Variants in VPS13B observed in about 807,000 individuals in gnomAD.
VPS13B encodes vacuolar protein sorting 13 homolog B.
Under a neutral mutation model 426.4 loss-of-function variants are expected in VPS13B, and 285 were observed. The ratio of observed to expected loss-of-function variants is 0.67; its 90% CI spans 0.61 to 0.74. The LOEUF is 0.74. VPS13B is among the 30% of genes least tolerant of loss of function. The probability of loss-of-function intolerance (pLI) is 0.00; values close to 1 mark genes in which losing one functional copy is unlikely to be tolerated. For synonymous variants in VPS13B, 1,676 were observed against 1,676.4 expected, an observed-to-expected ratio of 1.00 and a Z score of 0.01; for missense variants, 4,537 against 4,782.6, an observed-to-expected ratio of 0.95 and a Z score of 1.51.
intron 44 of VPS13B, among the ~76,000 whole-genome samples, chr8:99,814,622 TACCCTGATCGA>T (rs1359875784): frequency 6.6e-6 from 1 of 152,192 alleles, no homozygotes; most frequent in African/African-American, 2.4e-5. Flanking sequence ...GTTCCATGTT[TACCCTGATCGA>T]TGGCAAAAGG....
At chr8:99,513,051 G>T (rs944616753) in intron 29 of VPS13B, among the ~76,000 whole-genome samples, 3 of 149,850 alleles carry the variant, frequency 2.0e-5, no homozygotes, top group African/African-American at 7.4e-5. Context: ...TGCAGTATCT[G>T]TAACTATTTT....
intron 14 of VPS13B, among the ~76,000 whole-genome samples, chr8:99,151,082 CAT>C (rs1811052935): frequency 1.3e-5 from 2 of 151,676 alleles, no homozygotes; most frequent in South Asian, 4.2e-4. Flanking sequence ...CATTCTAAGA[CAT>C]GTGTAATGGT....
At chr8:99,691,914 T>A (rs1202225659) in intron 35 of VPS13B, among the ~76,000 whole-genome samples, 2 of 150,026 alleles carry the variant, frequency 1.3e-5, no homozygotes, top group Admixed American at 1.3e-4. Context: ...TAAAACAGAC[T>A]TTAAACCAAC....
chr8:99,641,209 A>G (rs1829343310), intron 33 of VPS13B, among the ~76,000 whole-genome samples: 1 of 152,150 alleles, frequency 6.6e-6, no homozygotes. Context: ...TATCACTTAT[A>G]TTTGTCCTTG....
At chr8:99,192,330 A>G (rs1813648047) in intron 16 of VPS13B, among the ~76,000 whole-genome samples, 1 of 152,210 alleles carries the variant, frequency 6.6e-6, no homozygotes, top group Non-Finnish European at 1.5e-5. Context: ...GAGAGAAAGT[A>G]TTAGGATAGA....
chr8:99,388,764 A>G lies in VPS13B; in HGVS notation c.2935-2793A>G, dbSNP rs184667744. 7.2e-5 allele frequency among the ~76,000 whole-genome samples: 11 copies of G among 152,332 alleles called. No homozygotes were observed. The East Asian group carries it at 2.1e-3, about 29-fold the overall frequency. Reference sequence around the variant, plus strand: ...TTCAACAAATATAGGTATTTTGTATACAGCTGTGTACAAGGCATACAAGAG... The same window carrying G: ...TTCAACAAATATAGGTATTTTGTATGCAGCTGTGTACAAGGCATACAAGAG... On this transcript the variant is annotated intron_variant, in intron 20 of 61. Coordinates refer to ENST00000357162, the MANE Select transcript of VPS13B (RefSeq NM_152564.5).
chr8:99,479,805 G>A (rs1409545785), intron 24 of VPS13B, among the ~76,000 whole-genome samples: 2 of 152,266 alleles, frequency 1.3e-5, no homozygotes, highest in Admixed American at 6.5e-5. Flanking sequence ...ACCTGTCAAT[G>A]TATATTTGGG....
intron 19 of VPS13B, among the ~76,000 whole-genome samples, chr8:99,348,862 A>C (rs1400370471): frequency 1.3e-5 from 2 of 151,904 alleles, no homozygotes; most frequent in Admixed American, 6.5e-5. Context: ...CATGAAATTG[A>C]ATTGGAGGAG....
intron 24 of VPS13B, among the ~76,000 whole-genome samples, chr8:99,472,443 C>T (rs183305830): frequency 1.3e-5 from 2 of 151,736 alleles, no homozygotes; most frequent in African/African-American, 4.8e-5. Flanking sequence ...CATTAAACAA[C>T]ATGCTTCTAA....
At chr8:99,361,812 A>G (rs1812576905) in intron 19 of VPS13B, among the ~76,000 whole-genome samples, 4 of 152,230 alleles carry the variant, frequency 2.6e-5, no homozygotes, top group Admixed American at 2.6e-4. Flanking sequence ...TAAGATAATG[A>G]TGATTATGAT....
intron 39 of VPS13B, among the ~76,000 whole-genome samples, chr8:99,739,161 A>T (rs759129212): frequency 7.2e-5 from 11 of 152,362 alleles, no homozygotes; most frequent in Non-Finnish European, 1.6e-4. Context: ...AGCAAACGGC[A>T]CACCAGGAGA....
intron 28 of VPS13B, among the ~76,000 whole-genome samples, chr8:99,509,141 A>G (rs1258526143): frequency 1.3e-5 from 2 of 152,164 alleles, no homozygotes; most frequent in East Asian, 3.8e-4. Context: ...CATCACTGTG[A>G]TCACTGTGGC....
chr8:99,430,705 C>G (rs1049571141), intron 21 of VPS13B, among the ~76,000 whole-genome samples: 1 of 149,904 alleles, frequency 6.7e-6, no homozygotes, highest in Non-Finnish European at 1.5e-5. Context: ...AAAATCCACC[C>G]CCCCCCCAAC....
chr8:99,449,752 A>G (rs937892340), intron 23 of VPS13B, among the ~76,000 whole-genome samples: 6 of 152,174 alleles, frequency 3.9e-5, no homozygotes, highest in African/African-American at 9.6e-5. Flanking sequence ...ACTAAAAACT[A>G]TAAGGTTTCA....
intron 21 of VPS13B, among the ~76,000 whole-genome samples, chr8:99,402,390 G>T (rs1013602670): frequency 3.3e-5 from 5 of 152,182 alleles, no homozygotes; most frequent in African/African-American, 1.2e-4. Flanking sequence ...ATGGTGATAT[G>T]ACTTGCTGGC....
chr8:99,492,245 C>G (rs574797131), intron 25 of VPS13B, among the ~76,000 whole-genome samples: 2 of 152,314 alleles, frequency 1.3e-5, no homozygotes, highest in East Asian at 3.9e-4. Context: ...AAGCTTCATC[C>G]CAGAGGGGCA....
chr8:99,256,932 T>C (rs1280553283), intron 17 of VPS13B, among the ~76,000 whole-genome samples: 4 of 152,174 alleles, frequency 2.6e-5, no homozygotes, highest in African/African-American at 9.7e-5. Context: ...CACTAGATTG[T>C]GAATTTCATG....
At chr8:99,170,687 C>T (rs1387599367) in intron 16 of VPS13B, among the ~76,000 whole-genome samples, 3 of 151,718 alleles carry the variant, frequency 2.0e-5, no homozygotes, top group Non-Finnish European at 4.4e-5. Context: ...ATTTGGAGGT[C>T]ACATTTCCTT....
At chr8:99,719,915 A>T (rs887734650) in intron 37 of VPS13B, among the ~76,000 whole-genome samples, 2 of 152,128 alleles carry the variant, frequency 1.3e-5, no homozygotes, top group African/African-American at 4.8e-5. Context: ...GAAACCCTAT[A>T]ATAAGGATTG....
Sources: allele counts gnomAD v4.1 joint callset (sites outside exome capture counted in the v4.1 genomes callset), GRCh38; gene constraint gnomAD v4.1.1; transcripts MANE v1.5; gene names NCBI Gene and HGNC (gene_info 2026-07-23, HGNC 2026-07-21).